The following SORCS3 variants were observed in gnomAD, a reference collection of about 807,000 sequenced individuals.
SORCS3 encodes the protein sortilin related VPS10 domain containing receptor 3, also known as VPS10 domain-containing receptor SorCS3.
SORCS3 carries 57 observed loss-of-function variants against 146.3 expected under a neutral mutation model. That is an observed-to-expected ratio of 0.39 (90% CI 0.31 to 0.49). The LOEUF is 0.49. Among genes scored for constraint, SORCS3 ranks in the 20% least tolerant of loss-of-function variants. The probability of loss-of-function intolerance (pLI) is 0.92; values close to 1 mark genes in which losing one functional copy is unlikely to be tolerated. For missense variants in SORCS3, 1,341 were observed against 1,575.5 expected (o/e 0.85, Z 2.52); for synonymous variants, 653 against 618.5 (o/e 1.06, Z -0.83).
intron 14 of SORCS3, among the ~76,000 whole-genome samples, chr10:105,195,465 T>C (rs1357253725): frequency 1.3e-5 from 2 of 152,200 alleles, no homozygotes; most frequent in Non-Finnish European, 2.9e-5. Flanking sequence ...TTGTTGTAAA[T>C]TTTAACATCT....
chr10:104,904,226 G>T (rs2018880438), intron 2 of SORCS3, among the ~76,000 whole-genome samples: 1 of 152,188 alleles, frequency 6.6e-6, no homozygotes, highest in Admixed American at 6.5e-5. Flanking sequence ...TGGCGTCAAT[G>T]TGTATGTCCT....
At chr10:104,958,754 TTAAC>T (rs2054771443) in intron 3 of SORCS3, among the ~76,000 whole-genome samples, 1 of 152,140 alleles carries the variant, frequency 6.6e-6, no homozygotes, top group African/African-American at 2.4e-5. Context: ...GCAAAAATGT[TTAAC>T]TGACTCACAG....
At chr10:104,724,959 G>A (rs1213465943) in intron 1 of SORCS3, among the ~76,000 whole-genome samples, 2 of 152,122 alleles carry the variant, frequency 1.3e-5, no homozygotes, top group African/African-American at 4.8e-5. Context: ...ATAATCTGAA[G>A]CCTTCTTCTC....
chr10:105,110,549 G>A lies in SORCS3; in HGVS notation c.1212+5034G>A, dbSNP rs145919035. The stretch of plus-strand genomic sequence containing the variant: ...AGGTTCATTTTAGCAACAGATTAGG[G>A]CTCTGTTTCAGCTTAACAAGAATCC... On this transcript the variant is annotated intron_variant, in intron 7 of 26. Transcript: ENST00000369701. Among the ~76,000 whole-genome samples, 51 of 152,086 alleles carry A rather than the reference G, an allele frequency of 3.4e-4. No homozygotes were observed. The East Asian group carries it at 8.9e-3, about 27-fold the overall frequency.
At chr10:104,998,455 G>T (rs999168499) in intron 4 of SORCS3, among the ~76,000 whole-genome samples, 1 of 152,086 alleles carries the variant, frequency 6.6e-6, no homozygotes, top group South Asian at 2.1e-4. Context: ...TCTCCTCCAG[G>T]CCTCACAGCT....
rs561980824 is a variant in SORCS3, at chr10:104,655,480, C to T, written c.627+13526C>T. ...GTTCATGAGTTCTCATCATTTAGCT[C>T]CCACTTGTAAGTGAGAACATGTGGT... On this transcript the variant is annotated intron_variant, in intron 1 of 26. Coordinates refer to ENST00000369701, the MANE Select transcript of SORCS3 (RefSeq NM_014978.3). Among the ~76,000 whole-genome samples, 9 of 152,154 alleles carry T rather than the reference C, an allele frequency of 5.9e-5. No homozygotes were observed. The South Asian group carries it at 1.5e-3, about 25-fold the overall frequency.
chr10:104,692,027 C>G (rs2016119727), intron 1 of SORCS3, among the ~76,000 whole-genome samples: 1 of 152,120 alleles, frequency 6.6e-6, no homozygotes, highest in Non-Finnish European at 1.5e-5. Flanking sequence ...TGGACACATA[C>G]AGGTATTCAT....
At chr10:104,672,857 A>G (rs559410326) in intron 1 of SORCS3, among the ~76,000 whole-genome samples, 12 of 152,282 alleles carry the variant, frequency 7.9e-5, no homozygotes, top group Non-Finnish European at 1.5e-4. Context: ...AGGGTAAGGT[A>G]TTAAAATCTT....
intron 11 of SORCS3, among the ~76,000 whole-genome samples, chr10:105,162,676 T>TA (rs1038029618): frequency 2.0e-5 from 3 of 152,180 alleles, no homozygotes; most frequent in Non-Finnish European, 4.4e-5. Context: ...CTTGGGTTCT[T>TA]ACCACCATAA....
At chr10:105,239,804 C>T (rs1370065256) in intron 20 of SORCS3, among the ~76,000 whole-genome samples, 2 of 152,156 alleles carry the variant, frequency 1.3e-5, no homozygotes, top group African/African-American at 2.4e-5. Context: ...CCTTAAAATA[C>T]TTGATTTAAT....
intron 7 of SORCS3, among the ~76,000 whole-genome samples, chr10:105,117,274 C>T (rs377208063): frequency 3.0e-4 from 46 of 152,084 alleles, no homozygotes; most frequent in Non-Finnish European, 5.1e-4. Context: ...CAAACAAAAA[C>T]GATAAACTAC....
At chr10:104,913,040 G>A (rs1267308117) in intron 2 of SORCS3, among the ~76,000 whole-genome samples, 3 of 152,164 alleles carry the variant, frequency 2.0e-5, no homozygotes, top group Admixed American at 1.3e-4. Flanking sequence ...AAAGTTTAGC[G>A]AGGCTGGAGA....
intron 20 of SORCS3, among the ~76,000 whole-genome samples, chr10:105,227,314 C>G (rs943444536): frequency 3.3e-5 from 5 of 151,964 alleles, no homozygotes; most frequent in African/African-American, 1.2e-4. Flanking sequence ...ACCCAACATT[C>G]AGAAGCATAT....
chr10:105,147,291 T>C (rs1189099913), intron 8 of SORCS3, among the ~76,000 whole-genome samples: 2 of 152,158 alleles, frequency 1.3e-5, no homozygotes, highest in African/African-American at 4.8e-5. Flanking sequence ...ATGTGTGAGC[T>C]TCCTTTAGCA....
Position 105,203,314 on chromosome 10 carries a change from A to G in SORCS3, c.2261+2061A>G, listed in dbSNP as rs186543442. Among the ~76,000 whole-genome samples the G allele has an allele frequency of 2.1e-4, 32 of 152,306 alleles. 1 individual carries two copies. Among genetic ancestry groups the G allele is most frequent in the Admixed American group, 2.0e-3 (31 of 15,298 alleles). On this transcript the variant is annotated intron_variant, in intron 16 of 26. Transcript: ENST00000369701. ...AGTATATTTTCACATTGTGAAAAATATTTTCAATTATTAATCACAATTAAG... is the reference window on the plus strand; with the variant it reads ...AGTATATTTTCACATTGTGAAAAATGTTTTCAATTATTAATCACAATTAAG...
chr10:104,771,149 G>A (rs1253728932), intron 1 of SORCS3, among the ~76,000 whole-genome samples: 2 of 152,190 alleles, frequency 1.3e-5, no homozygotes, highest in Admixed American at 6.5e-5. Context: ...AAACCCAGCA[G>A]TGTCGGCATC....
intron 1 of SORCS3, among the ~76,000 whole-genome samples, chr10:104,651,501 C>T (rs1589447014): frequency 6.9e-6 from 1 of 145,364 alleles, no homozygotes; most frequent in South Asian, 2.2e-4. Context: ...CGAGACCAGC[C>T]TGGCCAACAT....
intron 1 of SORCS3, among the ~76,000 whole-genome samples, chr10:104,762,294 G>T (rs549170213): frequency 6.6e-6 from 1 of 152,288 alleles, no homozygotes; most frequent in South Asian, 2.1e-4. Context: ...GGAGAGTCCT[G>T]ATTTGTAGCA....
chr10:104,806,338 C>T (rs1274002457), intron 1 of SORCS3, among the ~76,000 whole-genome samples: 1 of 152,138 alleles, frequency 6.6e-6, no homozygotes, highest in East Asian at 1.9e-4. Context: ...TGGATAGTGG[C>T]TTCAAAAAAA....
Sources: allele counts gnomAD v4.1 joint callset (sites outside exome capture counted in the v4.1 genomes callset), GRCh38; gene constraint gnomAD v4.1.1; transcripts MANE v1.5; gene names NCBI Gene and HGNC (gene_info 2026-07-23, HGNC 2026-07-21).